The following CLNK variants were observed in gnomAD, a reference collection of about 807,000 sequenced individuals.
CLNK encodes cytokine-dependent hematopoietic cell linker.
CLNK carries 74 observed loss-of-function variants against 68.6 expected under a neutral mutation model. That is an observed-to-expected ratio of 1.08 (90% confidence interval 0.89 to 1.31). The LOEUF (loss-of-function observed/expected upper bound fraction) is 1.31, where lower values mean the gene tolerates loss of function less well. CLNK is among the 50% of genes most tolerant of loss of function. The pLI is 0.00. For missense variants in CLNK, 553 were observed against 515.3 expected, an observed-to-expected ratio of 1.07 and a Z score of -0.71; for synonymous variants, 198 against 172.2, an observed-to-expected ratio of 1.15 and a Z score of -1.17.
At chr4:10,680,721 G>C (rs1403091611) in intron 1 of CLNK, among the ~76,000 whole-genome samples, 2 of 152,090 alleles carry the variant, frequency 1.3e-5, no homozygotes, top group Non-Finnish European at 2.9e-5. Context: ...TCGAGCAGTA[G>C]ATATTTTTAT....
intron 16 of CLNK, 77 bp from the exon 17 acceptor site, chr4:10,508,113 A>G: frequency 8.6e-7 from 1 of 1,166,642 alleles, no homozygotes; most frequent in Admixed American, 2.2e-5. Flanking sequence ...TTCAAAATTT[A>G]CTTTTGCTCC....
chr4:10,570,674 GAATC>G (rs1346420605), intron 5 of CLNK, among the ~76,000 whole-genome samples: 10 of 152,256 alleles, frequency 6.6e-5, no homozygotes, highest in African/African-American at 2.4e-4. Flanking sequence ...TTTATGAACA[GAATC>G]AATCAGTCAA....
chr4:10,617,642 G>A (rs1005113211), intron 2 of CLNK, among the ~76,000 whole-genome samples: 1 of 152,208 alleles, frequency 6.6e-6, no homozygotes, highest in African/African-American at 2.4e-5. Flanking sequence ...AGTGATCCAT[G>A]AGCCAAGCCA....
At chr4:10,539,669 C>T (rs1162745160) in intron 11 of CLNK, among the ~76,000 whole-genome samples, 1 of 152,144 alleles carries the variant, frequency 6.6e-6, no homozygotes, top group Non-Finnish European at 1.5e-5. Flanking sequence ...ATGTCCCACA[C>T]GTTTGGGAAT....
At chr4:10,506,958 C>T (rs1364109609) in intron 17 of CLNK, among the ~76,000 whole-genome samples, 1 of 151,740 alleles carries the variant, frequency 6.6e-6, no homozygotes, top group Non-Finnish European at 1.5e-5. Flanking sequence ...TGCCACCATG[C>T]CCGGCCAATT....
the CLNK span, among the ~76,000 whole-genome samples, chr4:10,730,400 T>A: frequency 1.3e-5 from 2 of 152,180 alleles, no homozygotes; most frequent in African/African-American, 2.4e-5. Context: ...CCAAAATATA[T>A]CTGAAAATCT....
chr4:10,507,690 C>T (rs1385872492), intron 17 of CLNK, among the ~76,000 whole-genome samples: 1 of 151,660 alleles, frequency 6.6e-6, no homozygotes, highest in Non-Finnish European at 1.5e-5. Context: ...CCATGTTGTT[C>T]AGGCTGGTCT....
intron 3 of CLNK, among the ~76,000 whole-genome samples, chr4:10,595,730 A>G (rs1721359336): frequency 6.6e-6 from 1 of 152,136 alleles, no homozygotes; most frequent in Admixed American, 6.5e-5. Context: ...CATTTACCAT[A>G]TCACAACTAG....
intron 2 of CLNK, among the ~76,000 whole-genome samples, chr4:10,637,884 G>A (rs990686107): frequency 4.6e-5 from 7 of 152,058 alleles, no homozygotes; most frequent in African/African-American, 7.2e-5. Context: ...TTACAGGCGT[G>A]AGCCATCATT....
chr4:10,540,609 G>A lies in CLNK; in HGVS notation c.492-5C>T. On this transcript the variant is annotated splice_polypyrimidine_tract_variant and splice_region_variant and intron_variant, in intron 10 of 18. Coordinates refer to ENST00000226951, the MANE Select transcript of CLNK (RefSeq NM_052964.4). ...TTCGGAAGTGTTATGAGAGGCCTGT[G>A]TGGAGAGTCGCAGTAGGGTCCTGAG... 1 of 1,605,882 alleles carries A rather than the reference G, an allele frequency of 6.2e-7. No individual in the cohort carries two copies. Among genetic ancestry groups the A allele is most frequent in the Non-Finnish European group, 8.5e-7 (1 of 1,172,562 alleles).
At position 10,619,857 on chromosome 4, in the gene CLNK, C is replaced by T. The variant is rs144753707; in HGVS notation, c.12-21808G>A. Among the ~76,000 whole-genome samples, 637 of 152,240 alleles carry T rather than the reference C, an allele frequency of 4.2e-3. 5 individuals carry two copies. The highest frequency in any genetic ancestry group is 0.015 in the African/African-American group (611 of 41,530). On this transcript the variant is annotated intron_variant, in intron 2 of 18. Transcript: ENST00000226951. ...AGGCTAAGGAGGGTAAAAACTCTAT[C>T]CCAGTCACCAAGAGGTAAGAGGCTG... is the stretch of plus-strand genomic sequence containing the variant.
intron 18 of CLNK, among the ~76,000 whole-genome samples, chr4:10,491,381 TAA>T (rs10541571): frequency 0.72 from 109,827 of 151,922 alleles, 40,190 homozygotes; most frequent in Non-Finnish European, 0.79. Context: ...TCGAATGTAG[TAA>T]ATTGGTGGGC....
At chr4:10,663,980 C>T (rs1724298457) in intron 2 of CLNK, among the ~76,000 whole-genome samples, 1 of 152,178 alleles carries the variant, frequency 6.6e-6, no homozygotes, top group Non-Finnish European at 1.5e-5. Context: ...CTGCTAGCCC[C>T]ATGTTCTTGG....
At chr4:10,522,875 C>T (rs1273206674) in intron 14 of CLNK, among the ~76,000 whole-genome samples, 3 of 152,140 alleles carry the variant, frequency 2.0e-5, no homozygotes, top group Non-Finnish European at 4.4e-5. Context: ...AAAGATGAAC[C>T]GAGCTGACCC....
intron 8 of CLNK, among the ~76,000 whole-genome samples, chr4:10,555,080 C>T (rs1719610529): frequency 6.6e-6 from 1 of 152,178 alleles, no homozygotes; most frequent in South Asian, 2.1e-4. Flanking sequence ...ATTTCTTCAG[C>T]ATCTAAACTC....
At chr4:10,718,288 A>C in the CLNK span, among the ~76,000 whole-genome samples, 1 of 152,174 alleles carries the variant, frequency 6.6e-6, no homozygotes, top group Non-Finnish European at 1.5e-5. Context: ...CCATTTTGTA[A>C]ATACATAAAT....
chr4:10,523,615 TAAAC>T (rs138209046), intron 14 of CLNK, among the ~76,000 whole-genome samples: 61,168 of 151,658 alleles, frequency 0.4, 13,406 homozygotes, highest in Non-Finnish European at 0.51. Flanking sequence ...AACAAACAAA[TAAAC>T]AAAAGAAGTG....
At chr4:10,649,629 CCTCTCTACT>C (rs1262861750) in intron 2 of CLNK, among the ~76,000 whole-genome samples, 1 of 152,158 alleles carries the variant, frequency 6.6e-6, no homozygotes, top group African/African-American at 2.4e-5. Flanking sequence ...AATAAGCCTA[CCTCTCTACT>C]CTCAAACATT....
chr4:10,562,376 G>A (rs1187199008), intron 7 of CLNK, among the ~76,000 whole-genome samples: 1 of 151,916 alleles, frequency 6.6e-6, no homozygotes, highest in Non-Finnish European at 1.5e-5. Context: ...TGGAAGTGAT[G>A]ATGTTCATCT....
Sources: gnomAD v4.1 joint callset for allele counts (sites outside exome capture counted in the v4.1 genomes callset) on GRCh38, gnomAD v4.1.1 for gene constraint, MANE v1.5 for transcripts, NCBI Gene and HGNC (gene_info 2026-07-23, HGNC 2026-07-21) for gene names.